The following PCNX4 variants were observed in gnomAD, a reference collection of about 807,000 sequenced individuals.
PCNX4 encodes the protein pecanex-like protein 4.
In PCNX4, 103 loss-of-function variants were observed where a neutral mutation model predicts 107.2. That is an observed-to-expected ratio of 0.96 (90% confidence interval 0.82 to 1.13). PCNX4 has a LOEUF of 1.13. Among genes scored for constraint, PCNX4 ranks in the 50% most tolerant of loss-of-function variants. The pLI is 0.00. For missense variants in PCNX4, 1,528 were observed against 1,379.4 expected (o/e 1.11, Z -1.71); for synonymous variants, 541 against 481.7 (o/e 1.12, Z -1.61).
Position 60,115,767 on chromosome 14 carries a change from A to G in PCNX4, c.1406A>G (p.Gln469Arg). The G allele has an allele frequency of 6.2e-7, 1 of 1,613,460 alleles. No homozygotes were observed. Among genetic ancestry groups the G allele is most frequent in the Non-Finnish European group, 8.5e-7 (1 of 1,179,522 alleles). The change falls in exon 5 of 11, where the codon CAA becomes CGA. Residue 469 changes from glutamine to arginine, a missense_variant. Gln to Arg is a conservative substitution (Grantham distance 43). Transcript: ENST00000406854. ...IAFLSLDSSL[Q>R]GLHSVSVCIG... is the part of the protein sequence containing the mutation. ...TTTCTTTCATTGGACAGTTCCTTAC[A>G]AGGGCTCCACTCAGTGTCTGTCTGT... is the stretch of plus-strand genomic sequence containing the variant.
In PCNX4 at chr14:60,124,309, G is replaced by C. The variant is rs991421490; in HGVS notation, c.2138G>C (p.Arg713Thr). ...GATGCTTTTGAGCAAGAATACACAAGAGTATGTTCCCTTAATGAACACTTT... is the reference window on the plus strand; with the variant it reads ...GATGCTTTTGAGCAAGAATACACAACAGTATGTTCCCTTAATGAACACTTT... Reference protein sequence around the residue: ...FEDAFEQEYTRVCSLNEHFGN... With the variant: ...FEDAFEQEYTTVCSLNEHFGN... Residue 713 changes from arginine to threonine, a missense_variant, in exon 9 of 11, where the codon AGA becomes ACA. Arg to Thr is a moderately conservative substitution (Grantham distance 71, BLOSUM62 -1). Transcript: ENST00000406854. 1.2e-6 allele frequency: 2 copies of C among 1,610,750 alleles called. No individual in the cohort carries two copies. Among genetic ancestry groups the C allele is most frequent in the Non-Finnish European group, 1.7e-6 (2 of 1,178,210 alleles).
chr14:60,108,739 A>G (rs1284615049), intron 2 of PCNX4: 1 of 52,132 alleles, frequency 1.9e-5, no homozygotes, highest in African/African-American at 4.4e-5. Flanking sequence ...ATTTATTTCT[A>G]ATTTTATGAT....
Position 60,118,567 on chromosome 14 carries a change from C to G in PCNX4, c.1817C>G (p.Pro606Arg). ...GTGTTCTTGGTGGGGTTTCCCCGAC[C>G]TATTCAGAGTTGGCCAGGAGCAGCA... is the stretch of plus-strand genomic sequence containing the variant. ...LPVFLVGFPR[P>R]IQSWPGAAGT... Residue 606 changes from proline (P) to arginine (R), a missense_variant, in exon 7 of 11, where the codon CCT (proline) becomes CGT (arginine). Coordinates refer to ENST00000406854, the MANE Select transcript of PCNX4 (RefSeq NM_001330177.2). 2 of 1,613,796 alleles carry G rather than the reference C, an allele frequency of 1.2e-6. No homozygotes were observed. The highest frequency in any genetic ancestry group is 2.2e-5 in the East Asian group (1 of 44,884).
rs531371774 is a variant in PCNX4, at chr14:60,114,659, A to G, written c.690-41A>G. On this transcript the variant is annotated intron_variant, in intron 2 of 10. Transcript: ENST00000406854. ...GCTTTTTCTTAAAAGATCCTCTTCT[A>G]TATATTTCGTGTGATTTAAATGTTC... 8.3e-5 allele frequency: 127 copies of G among 1,534,216 alleles called. 3 individuals are homozygous for G. In the South Asian group the frequency reaches 1.3e-3, roughly 15 times the overall value.
Position 60,148,169 on chromosome 14 carries a change from T to C in PCNX4, c.*13948T>C, listed in dbSNP as rs540139566. 1 of 152,334 alleles carries C rather than the reference T, an allele frequency of 6.6e-6. No homozygotes were observed. The highest frequency in any genetic ancestry group is 1.9e-4 in the East Asian group (1 of 5,190). 9.4% of individuals were successfully genotyped at this position (152,334 alleles called of 1,614,324 possible). On this transcript the variant is annotated 3_prime_UTR_variant, in exon 11 of 11. Coordinates refer to ENST00000406854, the MANE Select transcript of PCNX4 (RefSeq NM_001330177.2). The surrounding 1 kb of genome is among the most constrained non-coding windows in gnomAD (Gnocchi z 4.8). ...GTTGTGTTTGTAACTTTTTACCCCC[T>C]AATTCATTTTCACTGTCCTGCAAAG... is the stretch of plus-strand genomic sequence containing the variant.
At chr14:60,106,578 T>G (rs1895633583) in intron 1 of PCNX4, among the ~76,000 whole-genome samples, 1 of 152,142 alleles carries the variant, frequency 6.6e-6, no homozygotes, top group Non-Finnish European at 1.5e-5. Context: ...CTGGAAGATG[T>G]AAGAAGATAG....
At chr14:60,112,935 G>C (rs908254354) in intron 2 of PCNX4, among the ~76,000 whole-genome samples, 2 of 152,220 alleles carry the variant, frequency 1.3e-5, no homozygotes, top group Non-Finnish European at 2.9e-5. Context: ...TGTAATCCCA[G>C]CACTTTGGGA....
intron 5 of PCNX4, 30 bp from the exon 6 acceptor site, chr14:60,115,911 T>C: frequency 6.3e-7 from 1 of 1,595,010 alleles, no homozygotes; most frequent in Non-Finnish European, 8.5e-7. Context: ...TAATTCTACC[T>C]GATAAAAATG....
chr14:60,121,828 C>T (rs1300022306), intron 8 of PCNX4, among the ~76,000 whole-genome samples: 2 of 152,172 alleles, frequency 1.3e-5, no homozygotes, highest in African/African-American at 2.4e-5. Context: ...GTGACTGGCA[C>T]ATTGCTAAGT....
At chr14:60,129,112 C>T (rs965294677) in intron 10 of PCNX4, among the ~76,000 whole-genome samples, 4 of 151,746 alleles carry the variant, frequency 2.6e-5, no homozygotes, top group Non-Finnish European at 5.9e-5. Context: ...GCTACTCGGG[C>T]GCCTGTAATC....
chr14:60,129,240 C>A (rs78723938), intron 10 of PCNX4, among the ~76,000 whole-genome samples: 31 of 123,912 alleles, frequency 2.5e-4, no homozygotes, highest in Admixed American at 3.4e-4. Context: ...GACTCCATCT[C>A]AAAAAAAAAA....
rs765963274 is a variant in PCNX4, at chr14:60,118,345, A to G, written c.1595A>G (p.Asp532Gly). ...LRLLLVGIIR[D>G]RLIQFISKLQ... ...TTTCTACAGGTTGGTATCATACGTG[A>G]TCGTTTGATTCAGTTCATCTCTAAA... is the stretch of plus-strand genomic sequence containing the variant. The change falls in exon 7 of 11, where the codon GAT becomes GGT. Residue 532 changes from aspartate (D) to glycine (G), a missense_variant. Coordinates refer to ENST00000406854, the MANE Select transcript of PCNX4 (RefSeq NM_001330177.2). 2 of 1,610,510 alleles carry G rather than the reference A, an allele frequency of 1.2e-6. No individual in the cohort carries two copies. The highest frequency in any genetic ancestry group is 8.5e-7 in the Non-Finnish European group (1 of 1,177,774).
intron 6 of PCNX4, among the ~76,000 whole-genome samples, chr14:60,116,478 T>C (rs149617687): frequency 4.3e-4 from 65 of 152,308 alleles, no homozygotes; most frequent in African/African-American, 1.5e-3. Flanking sequence ...AAGATTATTA[T>C]GGAGATGAAA....
intron 7 of PCNX4, among the ~76,000 whole-genome samples, chr14:60,119,103 G>C (rs953979065): frequency 6.6e-6 from 1 of 152,150 alleles, no homozygotes; most frequent in African/African-American, 2.4e-5. Flanking sequence ...ATATCAGCTT[G>C]AGGAGCAGAT....
rs1425303767 is a variant in PCNX4 at position 60,142,046 on chromosome 14, ACTAAT to A, written c.*7829_*7833del. ...ATTTATGTAAAACTATAAAATGCAA[ACTAAT>A]CTATAATAATGCAAGCACATCATTG... is the stretch of plus-strand genomic sequence containing the variant. On this transcript the variant is annotated 3_prime_UTR_variant, in exon 11 of 11. Coordinates refer to ENST00000406854, the MANE Select transcript of PCNX4 (RefSeq NM_001330177.2). The surrounding 1 kb of genome is among the most constrained non-coding windows in gnomAD (Gnocchi z 4.7). The A allele has an allele frequency of 2.0e-5, 3 of 152,222 alleles. No homozygotes were observed. The highest frequency in any genetic ancestry group is 7.2e-5 in the African/African-American group (3 of 41,454). 9.4% of individuals were successfully genotyped at this position (152,222 alleles called of 1,614,324 possible).
intron 6 of PCNX4, 79 bp from the exon 7 acceptor site, chr14:60,118,250 A>G: frequency 7.1e-7 from 1 of 1,404,456 alleles, no homozygotes; most frequent in Non-Finnish European, 9.3e-7. Context: ...AAATTACTGT[A>G]TAGTCTGTCT....
intron 6 of PCNX4, among the ~76,000 whole-genome samples, chr14:60,117,443 G>A (rs892865064): frequency 1.4e-4 from 21 of 152,298 alleles, no homozygotes; most frequent in African/African-American, 4.8e-4. Flanking sequence ...GCCTAGGTAT[G>A]TAGTAGGCTA....
In PCNX4 at chr14:60,108,261, A is replaced by G. The variant is rs1171740881; in HGVS notation, c.623A>G (p.Tyr208Cys). The change falls in exon 2 of 11, where the codon TAT (tyrosine) becomes TGT (cysteine). Residue 208 changes from tyrosine to cysteine, a missense_variant. Physicochemically the swap from Tyr to Cys is radical, Grantham distance 194. Transcript: ENST00000406854. ...GCGACTTTCCAAACACAGGATACTT[A>G]TGAAATTATTCCTCTTATGAGACCT... ...ETATFQTQDT[Y>C]EIIPLMRPLY... is the part of the protein sequence containing the mutation. The G allele has an allele frequency of 6.2e-7, 1 of 1,612,618 alleles. No individual in the cohort carries two copies. The highest frequency in any genetic ancestry group is 1.3e-5 in the African/African-American group (1 of 74,930).
At chr14:60,116,605 A>T (rs546046653) in intron 6 of PCNX4, among the ~76,000 whole-genome samples, 1 of 152,326 alleles carries the variant, frequency 6.6e-6, no homozygotes, top group Admixed American at 6.5e-5. Flanking sequence ...TATAGCATAT[A>T]CAATTGTGTA....
Sources: allele counts gnomAD v4.1 joint callset (sites outside exome capture counted in the v4.1 genomes callset), GRCh38; gene constraint gnomAD v4.1.1; non-coding constraint Gnocchi (gnomAD v3.1); transcripts MANE v1.5; gene names NCBI Gene and HGNC (gene_info 2026-07-23, HGNC 2026-07-21).